LRRC40: variants seen among roughly 807,000 people sequenced by gnomAD.
LRRC40 encodes the protein leucine-rich repeat-containing protein 40.
LRRC40 carries 76 observed loss-of-function variants against 72.8 expected under a neutral mutation model. That is an observed-to-expected ratio of 1.04 (90% confidence interval 0.87 to 1.26). The LOEUF is 1.26. LRRC40 is among the 50% of genes most tolerant of loss of function. The pLI, the probability that LRRC40 is intolerant of heterozygous loss-of-function variation, is 0.00. For missense variants in LRRC40, 684 were observed against 698.9 expected, an observed-to-expected ratio of 0.98 and a Z score of 0.24; for synonymous variants, 243 against 254.2, an observed-to-expected ratio of 0.96 and a Z score of 0.42.
chr1:70,177,013 C>T (rs540758896), intron 6 of LRRC40, among the ~76,000 whole-genome samples: 150 of 152,286 alleles, frequency 9.8e-4, no homozygotes, highest in African/African-American at 2.5e-3. Context: ...CGGTGGCTCA[C>T]GCCTGTAATC....
rs757507803 is a variant in LRRC40 at position 70,155,747 on chromosome 1, T to C, written c.1270A>G (p.Ser424Gly). The change falls in exon 11 of 15, where the codon AGC becomes GGC. Residue 424 changes from serine (S) to glycine (G), a missense_variant. Ser to Gly is a moderately conservative substitution (Grantham distance 56). Coordinates refer to ENST00000370952, the MANE Select transcript of LRRC40 (RefSeq NM_017768.5). ...IPDEVFDAVK[S>G]NIVTSINFSK... is the part of the protein sequence containing the mutation. ...AAGTTAATAGAAGTGACGATGTTGC[T>C]TTTTACTGCATCAAACACCTCATCA... 2 of 1,582,954 alleles carry C rather than the reference T, an allele frequency of 1.3e-6. No individual in the cohort carries two copies. The highest frequency in any genetic ancestry group is 1.7e-4 in the Middle Eastern group (1 of 5,938).
At chr1:70,204,389 G>C (rs572927255) in intron 1 of LRRC40, among the ~76,000 whole-genome samples, 1 of 152,302 alleles carries the variant, frequency 6.6e-6, no homozygotes, top group Non-Finnish European at 1.5e-5. Context: ...AAACAGGTAA[G>C]AGAACAGAAT....
At chr1:70,173,535 T>C (rs1668041821) in intron 8 of LRRC40, 25 bp from the exon 9 acceptor site, 6 of 1,585,942 alleles carry the variant, frequency 3.8e-6, no homozygotes, top group Non-Finnish European at 5.2e-6. Flanking sequence ...ACAAAGACAT[T>C]CACCAAGACA....
intron 9 of LRRC40, among the ~76,000 whole-genome samples, chr1:70,164,307 T>TGCC (rs1667830971): frequency 6.6e-6 from 1 of 152,014 alleles, no homozygotes; most frequent in Non-Finnish European, 1.5e-5. Context: ...GGAGAATCAC[T>TGCC]TGAACCCAGG....
chr1:70,191,736 G>C (rs754107125), intron 1 of LRRC40, among the ~76,000 whole-genome samples: 4 of 152,106 alleles, frequency 2.6e-5, no homozygotes, highest in Non-Finnish European at 5.9e-5. Flanking sequence ...ATTCTGTGGA[G>C]CTATCCTACA....
chr1:70,151,225 A>AAAGGGGCCTTTTTGTTTTTTTG lies in LRRC40; in HGVS notation c.1440-21_1440-20insCAAAAAAACAAAAAGGCCCCTT. On this transcript the variant is annotated intron_variant, in intron 12 of 14. Transcript: ENST00000370952. ...TTGTTCCTAAATTGGAAATCAAAAC[A>AAAGGGGCCTTTTTGTTTTTTTG]GAAGATTTACAAAGTTTGAAAAATT... The AAAGGGGCCTTTTTGTTTTTTTG allele has an allele frequency of 1.6e-6, 2 of 1,245,660 alleles. No individual in the cohort carries two copies. Among genetic ancestry groups the AAAGGGGCCTTTTTGTTTTTTTG allele is most frequent in the Non-Finnish European group, 2.3e-6 (2 of 854,640 alleles). 77.2% of individuals were successfully genotyped at this position (1,245,660 alleles called of 1,614,324 possible). A position where few individuals can be genotyped will look rare whatever the true frequency, so the allele number is the denominator to read the frequency against.
chr1:70,174,310 A>G (rs1668057216), intron 7 of LRRC40, among the ~76,000 whole-genome samples: 2 of 152,114 alleles, frequency 1.3e-5, no homozygotes, highest in African/African-American at 2.4e-5. Flanking sequence ...AAAAAAACAC[A>G]TACAGCTAAC....
At chr1:70,147,206 A>T (rs1667328512) in intron 14 of LRRC40, 1 of 152,188 alleles carries the variant, frequency 6.6e-6, no homozygotes, top group African/African-American at 2.4e-5. Flanking sequence ...GTGAGACTGA[A>T]CAAGGTGATG....
At chr1:70,156,653 C>A (rs1476976697) in intron 10 of LRRC40, among the ~76,000 whole-genome samples, 1 of 152,068 alleles carries the variant, frequency 6.6e-6, no homozygotes, top group South Asian at 2.1e-4. Flanking sequence ...ATAGTATACA[C>A]CATATTTTTT....
At position 70,205,542 on chromosome 1, in the gene LRRC40, T is replaced by G. The variant is rs779654191; in HGVS notation, c.-2A>C. The G allele has an allele frequency of 1.3e-6, 2 of 1,590,510 alleles. No individual in the cohort carries two copies. The highest frequency in any genetic ancestry group is 1.3e-5 in the African/African-American group (1 of 74,778). ...CGCTATCCGCTTCAGGCGCGACATG[T>G]TCAAAGTCCTAGGTCCAGAAGCTGC... On this transcript the variant is annotated 5_prime_UTR_variant, in exon 1 of 15. Coordinates refer to ENST00000370952, the MANE Select transcript of LRRC40 (RefSeq NM_017768.5).
At chr1:70,196,321 A>G (rs574892565) in intron 1 of LRRC40, among the ~76,000 whole-genome samples, 1 of 152,158 alleles carries the variant, frequency 6.6e-6, no homozygotes, top group African/African-American at 2.4e-5. Context: ...AGACCATAGC[A>G]GGAGGATCAT....
chr1:70,190,435 C>T (rs1395453477), intron 1 of LRRC40, among the ~76,000 whole-genome samples: 1 of 151,596 alleles, frequency 6.6e-6, no homozygotes, highest in African/African-American at 2.4e-5. Context: ...AATCCCTGCA[C>T]TTTGGGAGGC....
intron 4 of LRRC40, 36 bp from the exon 5 acceptor site, chr1:70,181,245 A>C (rs754835859): frequency 7.6e-7 from 1 of 1,317,270 alleles, no homozygotes; most frequent in Admixed American, 2.6e-5. Context: ...ATGAATAAAC[A>C]AGTAAAAAAA....
intron 9 of LRRC40, 148 bp downstream of exon 9, chr1:70,173,317 G>GCAT (rs1259256575): frequency 3.3e-6 from 2 of 609,160 alleles, no homozygotes; most frequent in African/African-American, 3.7e-5. Context: ...CATACTTACA[G>GCAT]ACTATATGGA....
chr1:70,154,036 G>T (rs1023749093), intron 11 of LRRC40, among the ~76,000 whole-genome samples: 1 of 148,068 alleles, frequency 6.8e-6, no homozygotes, highest in Admixed American at 6.7e-5. Context: ...AGAATAGCTT[G>T]AAATAAAATA....
chr1:70,153,958 G>A (rs1294166663), intron 11 of LRRC40, among the ~76,000 whole-genome samples: 1 of 132,918 alleles, frequency 7.5e-6, no homozygotes, highest in Non-Finnish European at 1.6e-5. Flanking sequence ...GGGCAACAGA[G>A]TGAGATCCTG....
At chr1:70,148,284 T>A (rs186094686) in intron 14 of LRRC40, among the ~76,000 whole-genome samples, 182 of 152,230 alleles carry the variant, frequency 1.2e-3, no homozygotes, top group African/African-American at 3.9e-3. Context: ...TTCACACATA[T>A]ACCATATAAG....
chr1:70,172,382 T>C (rs1668018103), intron 9 of LRRC40, among the ~76,000 whole-genome samples: 1 of 152,214 alleles, frequency 6.6e-6, no homozygotes, highest in Admixed American at 6.6e-5. Flanking sequence ...TCCCTATCTT[T>C]ATGGAAGTAC....
chr1:70,183,550 C>T (rs1291798828), intron 4 of LRRC40, among the ~76,000 whole-genome samples: 2 of 150,964 alleles, frequency 1.3e-5, no homozygotes, highest in African/African-American at 2.4e-5. Context: ...CTTTCTTTTT[C>T]TTTCCTCTCT....
Sources: allele counts gnomAD v4.1 joint callset (sites outside exome capture counted in the v4.1 genomes callset), GRCh38; gene constraint gnomAD v4.1.1; transcripts MANE v1.5; gene names NCBI Gene and HGNC (gene_info 2026-07-23, HGNC 2026-07-21).